CHODL: variants seen among roughly 807,000 people sequenced by gnomAD.
The protein encoded by CHODL is chondrolectin.
CHODL carries 29 observed loss-of-function variants against 34.5 expected under a neutral mutation model. The observed-to-expected ratio is 0.84, with a 90% CI of 0.63 to 1.15. The LOEUF is 1.15. Ranked by LOEUF, CHODL falls within the 50% of genes most tolerant of loss-of-function variation. CHODL has a pLI of 0.00. For missense variants in CHODL, 332 were observed against 332.5 expected (o/e 1.00, Z 0.01); for synonymous variants, 125 against 116.1 (o/e 1.08, Z -0.49).
At chr21:17,921,631 G>T (rs1190366033) in intron 1 of CHODL, among the ~76,000 whole-genome samples, 1 of 152,232 alleles carries the variant, frequency 6.6e-6, no homozygotes, top group South Asian at 2.1e-4. Context: ...GAATTGAGAC[G>T]TGTGAGAAAT....
chr21:18,122,662 C>T (rs1308510043), intron 2 of CHODL, among the ~76,000 whole-genome samples: 1 of 151,920 alleles, frequency 6.6e-6, no homozygotes, highest in Non-Finnish European at 1.5e-5. Flanking sequence ...AATAGACTTG[C>T]CTAGGAATGA....
chr21:18,042,843 T>C (rs1305616636), intron 2 of CHODL, among the ~76,000 whole-genome samples: 1 of 152,090 alleles, frequency 6.6e-6, no homozygotes, highest in South Asian at 2.1e-4. Flanking sequence ...CATTACTTAG[T>C]CTTCACCTTT....
intron 2 of CHODL, among the ~76,000 whole-genome samples, chr21:18,158,576 G>A (rs141058393): frequency 0.02 from 3,118 of 152,248 alleles, 100 homozygotes; most frequent in African/African-American, 0.07. Context: ...GGTGGCTCAT[G>A]CCTGTAATCC....
chr21:18,245,181 C>G lies in CHODL; in HGVS notation c.-43C>G, dbSNP rs1222747561. ...CGCGGGCTGCGCCCTGGGCAGAGGC[C>G]GCCCTCGCTCCACGCAACACCTGCT... On this transcript the variant is annotated 5_prime_UTR_variant, in exon 1 of 6. Coordinates refer to ENST00000299295, the MANE Select transcript of CHODL (RefSeq NM_024944.3). 6.7e-7 allele frequency: 1 copy of G among 1,485,054 alleles called. No homozygotes were observed. Among genetic ancestry groups the G allele is most frequent in the South Asian group, 1.2e-5 (1 of 80,404 alleles). The allele number at this position is 1,485,054 out of a possible 1,614,324, so 92.0% of individuals were successfully genotyped here. A position where few individuals can be genotyped will look rare whatever the true frequency, so the allele number is the denominator to read the frequency against.
chr21:18,263,751 C>T (rs372197119), intron 5 of CHODL, among the ~76,000 whole-genome samples: 3 of 152,142 alleles, frequency 2.0e-5, no homozygotes, highest in East Asian at 3.8e-4. Context: ...CAGGAAGGAC[C>T]TGCAAACAAA....
At chr21:17,984,639 T>C (rs1329635591) in intron 1 of CHODL, among the ~76,000 whole-genome samples, 2 of 152,166 alleles carry the variant, frequency 1.3e-5, no homozygotes, top group African/African-American at 4.8e-5. Flanking sequence ...TATTTTTTAA[T>C]ATAGTCATAC....
intron 2 of CHODL, among the ~76,000 whole-genome samples, chr21:18,167,145 T>C (rs557927214): frequency 2.0e-5 from 3 of 152,044 alleles, no homozygotes; most frequent in Admixed American, 2.0e-4. Context: ...GAGACAAATA[T>C]CCAATTTTAG....
intron 2 of CHODL, among the ~76,000 whole-genome samples, chr21:18,053,907 CATATGAT>C (rs2064546906): frequency 6.6e-6 from 1 of 150,728 alleles, no homozygotes; most frequent in Non-Finnish European, 1.5e-5. Context: ...TGTGATATGA[CATATGAT>C]ATATGACATA....
At chr21:18,108,617 C>T (rs1405402861) in intron 2 of CHODL, among the ~76,000 whole-genome samples, 1 of 152,084 alleles carries the variant, frequency 6.6e-6, no homozygotes, top group South Asian at 2.1e-4. Context: ...CCTTGGCTGC[C>T]CCCCAGTACT....
rs891097048 is a variant in CHODL at position 18,247,793 on chromosome 21, A to G, written c.79+2491A>G. 5.2e-4 allele frequency among the ~76,000 whole-genome samples: 79 copies of G among 152,062 alleles called. 3 individuals carry two copies. Among genetic ancestry groups the G allele is most frequent in the Non-Finnish European group, 1.6e-4 (11 of 67,952 alleles). ...TGTACTGATTTCTTACTACACACAG[A>G]TGTGTAGAGAATATCTATGGGAGCT... On this transcript the variant is annotated intron_variant, in intron 1 of 5. Coordinates refer to ENST00000299295, the MANE Select transcript of CHODL (RefSeq NM_024944.3).
chr21:18,085,379 C>A (rs970137390), intron 2 of CHODL, among the ~76,000 whole-genome samples: 8 of 151,616 alleles, frequency 5.3e-5, no homozygotes, highest in African/African-American at 1.5e-4. Flanking sequence ...GTCTTTTTGT[C>A]TTTGTGGTTT....
chr21:18,204,745 T>C (rs761670467), intron 2 of CHODL, among the ~76,000 whole-genome samples: 3 of 152,180 alleles, frequency 2.0e-5, no homozygotes, highest in Non-Finnish European at 4.4e-5. Flanking sequence ...AGTATAACCC[T>C]GGAGTGAATT....
chr21:18,240,303 A>C (rs2074069365), upstream of CHODL, among the ~76,000 whole-genome samples: 1 of 152,154 alleles, frequency 6.6e-6, no homozygotes, highest in Admixed American at 6.5e-5. Flanking sequence ...GATGAACATT[A>C]GGAAAGTTTA....
chr21:17,960,315 C>T (rs1472214906), intron 1 of CHODL, among the ~76,000 whole-genome samples: 1 of 152,128 alleles, frequency 6.6e-6, no homozygotes, highest in African/African-American at 2.4e-5. Flanking sequence ...ATTCTAGTTT[C>T]TCAGCTAGTA....
chr21:18,050,213 G>A (rs1329572086), intron 2 of CHODL, among the ~76,000 whole-genome samples: 2 of 151,914 alleles, frequency 1.3e-5, no homozygotes, highest in African/African-American at 4.8e-5. Context: ...AGGTGGCTGT[G>A]TTTAAAAAAC....
chr21:18,088,075 T>C (rs1743085198), intron 2 of CHODL, among the ~76,000 whole-genome samples: 2 of 152,046 alleles, frequency 1.3e-5, no homozygotes, highest in African/African-American at 4.8e-5. Flanking sequence ...AGGGGTATGT[T>C]CACCCCCAGG....
intron 2 of CHODL, among the ~76,000 whole-genome samples, chr21:18,082,329 T>A (rs573617902): frequency 6.6e-6 from 1 of 152,314 alleles, no homozygotes; most frequent in East Asian, 1.9e-4. Context: ...TGTGAGTCAA[T>A]TAAACCTCCT....
In CHODL at chr21:18,222,063, AC is replaced by A. The variant is rs374857108; in HGVS notation, c.-44-34442del. 5.3e-4 allele frequency among the ~76,000 whole-genome samples: 81 copies of A among 152,180 alleles called. No individual in the cohort carries two copies. In the East Asian group the frequency reaches 0.015, roughly 27 times the overall value. ...CAAGGTGGACAGACTGCTCCTCAAG[AC>A]CCCAAGTGGGATGCATAAGCCTGCA... On this transcript the variant is annotated intron_variant, in intron 2 of 6. Coordinates refer to the CHODL transcript ENST00000400127.
At chr21:18,105,829 T>C (rs1735292) in intron 2 of CHODL, among the ~76,000 whole-genome samples, 64,055 of 152,006 alleles carry the variant, frequency 0.42, 14,312 homozygotes, top group Non-Finnish European at 0.51. Context: ...CCTGAGAGGG[T>C]CCAGAATGTA....
Sources: gnomAD v4.1 joint callset for allele counts (sites outside exome capture counted in the v4.1 genomes callset) on GRCh38, gnomAD v4.1.1 for gene constraint, MANE v1.5 for transcripts, NCBI Gene and HGNC (gene_info 2026-07-23, HGNC 2026-07-21) for gene names.